Variants in DENND5B observed in about 807,000 individuals in gnomAD.
DENND5B encodes the protein DENN domain-containing protein 5B.
A neutral mutation model predicts 140.6 loss-of-function variants in DENND5B; 34 were observed. The observed-to-expected ratio is 0.24, with a 90% CI of 0.18 to 0.32. DENND5B has a LOEUF of 0.32. Among genes scored for constraint, DENND5B ranks in the 10% least tolerant of loss-of-function variants. The pLI is 1.00. For missense variants in DENND5B, 1,142 were observed against 1,560.2 expected, an observed-to-expected ratio of 0.73 and a Z score of 4.52; for synonymous variants, 551 against 562.1, an observed-to-expected ratio of 0.98 and a Z score of 0.28.
At chr12:31,467,131 T>C (rs1945303481) in intron 3 of DENND5B, among the ~76,000 whole-genome samples, 1 of 138,490 alleles carries the variant, frequency 7.2e-6, no homozygotes. Context: ...TAGAATATTA[T>C]CCTCAGAGTA....
chr12:31,567,525 T>TAAAAAA lies in DENND5B; in HGVS notation c.127+23175_127+23180dup, dbSNP rs35048750. Among the ~76,000 whole-genome samples the TAAAAAA allele has an allele frequency of 8.7e-5, 8 of 91,724 alleles. 1 individual carries two copies. Among genetic ancestry groups the TAAAAAA allele is most frequent in the Non-Finnish European group, 1.2e-4 (6 of 49,542 alleles). The allele number at this position is 91,724 out of a possible 152,430, so 60.2% of individuals were successfully genotyped here. A position where few individuals can be genotyped will look rare whatever the true frequency, so the allele number is the denominator to read the frequency against. On this transcript the variant is annotated intron_variant, in intron 1 of 20. Transcript: ENST00000389082. ...CTGGGCAACAGAGCAAGACTCTGTC[T>TAAAAAA]AAAAAAAAAAAAAAAAAAAAAGCAT...
Position 31,392,708 on chromosome 12 carries a change from T to TA in DENND5B, c.3257-13dup. The TA allele has an allele frequency of 6.4e-7, 1 of 1,550,940 alleles. No homozygotes were observed. Among genetic ancestry groups the TA allele is most frequent in the Non-Finnish European group, 8.7e-7 (1 of 1,146,326 alleles). On this transcript the variant is annotated splice_polypyrimidine_tract_variant and intron_variant, in intron 17 of 20. Coordinates refer to ENST00000389082, the MANE Select transcript of DENND5B (RefSeq NM_144973.4). ...CCCAGCATTGGGTTCTGTAAAATAA[T>TA]AAACAGTGGCTGCATTCTCATGGGA...
chr12:31,497,712 A>C (rs1230309255), intron 1 of DENND5B, among the ~76,000 whole-genome samples: 1 of 140,644 alleles, frequency 7.1e-6, no homozygotes, highest in East Asian at 2.1e-4. Flanking sequence ...TGGGCAGATC[A>C]CTTGAGACCA....
chr12:31,527,690 A>G (rs919723094), intron 1 of DENND5B, among the ~76,000 whole-genome samples: 3 of 152,132 alleles, frequency 2.0e-5, no homozygotes, highest in African/African-American at 7.2e-5. Context: ...AGGCAGGAGA[A>G]CTGCTTGAAC....
chr12:31,587,462 C>G (rs1466446913), intron 1 of DENND5B, among the ~76,000 whole-genome samples: 4 of 148,508 alleles, frequency 2.7e-5, no homozygotes, highest in Non-Finnish European at 5.9e-5. Flanking sequence ...CCTTCAACAT[C>G]TATCTAGAAT....
intron 1 of DENND5B, among the ~76,000 whole-genome samples, chr12:31,528,642 G>A (rs1250460956): frequency 7.9e-5 from 12 of 152,156 alleles, no homozygotes; most frequent in African/African-American, 2.9e-4. Flanking sequence ...TAAAGAAAGC[G>A]TGCAAGGCTT....
intron 1 of DENND5B, among the ~76,000 whole-genome samples, chr12:31,531,653 T>A (rs1948287846): frequency 6.6e-6 from 1 of 152,232 alleles, no homozygotes; most frequent in Non-Finnish European, 1.5e-5. Context: ...TAAGTCCTGA[T>A]TCCTGGCATC....
intron 6 of DENND5B, among the ~76,000 whole-genome samples, chr12:31,444,497 G>A (rs1944188805): frequency 6.6e-6 from 1 of 152,156 alleles, no homozygotes; most frequent in Non-Finnish European, 1.5e-5. Flanking sequence ...GCCCTCCTCG[G>A]CCTCCCAAAG....
intron 4 of DENND5B, among the ~76,000 whole-genome samples, chr12:31,457,021 C>A (rs1474855690): frequency 6.6e-6 from 1 of 152,168 alleles, no homozygotes; most frequent in Admixed American, 6.5e-5. Flanking sequence ...GAGGTCAAGG[C>A]TGCAGTGAGC....
At position 31,495,802 on chromosome 12, in the gene DENND5B, A is replaced by C. The variant is rs575740677; in HGVS notation, c.237+8T>G. 418 of 1,549,606 alleles carry C rather than the reference A, an allele frequency of 2.7e-4. 1 individual carries two copies. In the African/African-American group the frequency reaches 4.2e-3, roughly 15 times the overall value. On this transcript the variant is annotated splice_region_variant and intron_variant, in intron 2 of 20. Coordinates refer to ENST00000389082, the MANE Select transcript of DENND5B (RefSeq NM_144973.4). ...TAAAGAGTAAATGAGGGGAAAAAAA[A>C]CACATACCATGTTCACCGCATCTTG...
intron 1 of DENND5B, among the ~76,000 whole-genome samples, chr12:31,545,670 T>C (rs1746892267): frequency 6.6e-6 from 1 of 152,006 alleles, no homozygotes. Context: ...AAAGGATATA[T>C]GGGCCAGGCG....
intron 1 of DENND5B, among the ~76,000 whole-genome samples, chr12:31,571,076 C>T (rs963812877): frequency 2.6e-5 from 4 of 151,940 alleles, no homozygotes; most frequent in African/African-American, 4.9e-5. Flanking sequence ...GTTTACATAG[C>T]CCTTACTATG....
At chr12:31,452,498 C>A (rs780874344) in intron 4 of DENND5B, 22 bp from the exon 5 acceptor site, 9 of 1,568,158 alleles carry the variant, frequency 5.7e-6, no homozygotes, top group Admixed American at 1.9e-5. Flanking sequence ...AAATGAAATA[C>A]AAAGGTTTAA....
chr12:31,393,185 C>T (rs1409827786), intron 17 of DENND5B, among the ~76,000 whole-genome samples: 1 of 152,182 alleles, frequency 6.6e-6, no homozygotes, highest in Non-Finnish European at 1.5e-5. Context: ...TGCTATCTAC[C>T]TACGAGCCTG....
At chr12:31,433,295 AG>A (rs780660132) in intron 7 of DENND5B, 47 bp from the exon 8 acceptor site, 1 of 1,549,056 alleles carries the variant, frequency 6.5e-7, no homozygotes, top group Admixed American at 1.8e-5. Context: ...TCTTTAAAAT[AG>A]AAAGCATTAA....
At position 31,451,930 on chromosome 12, in the gene DENND5B, T is replaced by C; in HGVS notation, c.1629+10A>G. 6.2e-7 allele frequency: 1 copy of C among 1,612,676 alleles called. No homozygotes were observed. Among genetic ancestry groups the C allele is most frequent in the Non-Finnish European group, 8.5e-7 (1 of 1,179,552 alleles). On this transcript the variant is annotated intron_variant, in intron 5 of 20. Coordinates refer to ENST00000389082, the MANE Select transcript of DENND5B (RefSeq NM_144973.4). The stretch of plus-strand genomic sequence containing the variant: ...AATAACCACAAAAGGAAAACTATGG[T>C]TCTTTTTACTTTGTCAAAGTTCTGC...
intron 1 of DENND5B, among the ~76,000 whole-genome samples, chr12:31,565,020 C>A (rs1949581046): frequency 6.6e-6 from 1 of 152,170 alleles, no homozygotes. Context: ...TAGATCCTAA[C>A]AGATTTAATC....
chr12:31,458,054 A>G (rs1393980800), intron 4 of DENND5B, among the ~76,000 whole-genome samples: 1 of 152,216 alleles, frequency 6.6e-6, no homozygotes, highest in Non-Finnish European at 1.5e-5. Flanking sequence ...GTTATTTCAT[A>G]TTATTCTACT....
intron 6 of DENND5B, among the ~76,000 whole-genome samples, chr12:31,447,062 A>G (rs1944307993): frequency 6.6e-6 from 1 of 152,176 alleles, no homozygotes; most frequent in African/African-American, 2.4e-5. Flanking sequence ...ACCTGAGGTC[A>G]GCAGTTCAAG....
Sources: allele counts gnomAD v4.1 joint callset (sites outside exome capture counted in the v4.1 genomes callset), GRCh38; gene constraint gnomAD v4.1.1; transcripts MANE v1.5; gene names NCBI Gene and HGNC (gene_info 2026-07-23, HGNC 2026-07-21).